ZFP90: variants seen among roughly 807,000 people sequenced by gnomAD.
ZFP90 encodes the protein zinc finger protein 90 homolog.
Under a neutral mutation model 60.8 loss-of-function variants are expected in ZFP90, and 38 were observed. The ratio of observed to expected loss-of-function variants is 0.62; its 90% CI spans 0.48 to 0.82. The LOEUF is 0.82. ZFP90 is among the 40% of genes least tolerant of loss of function. The probability of loss-of-function intolerance (pLI) is 0.00; values close to 1 mark genes in which losing one functional copy is unlikely to be tolerated. For missense variants in ZFP90, 711 were observed against 759.1 expected (o/e 0.94, Z 0.74); for synonymous variants, 287 against 264.8 (o/e 1.08, Z -0.82).
chr16:68,558,442 A>G, intron 3 of ZFP90, 31 bp from the exon 4 acceptor site: 1 of 1,603,824 alleles, frequency 6.2e-7, no homozygotes, highest in Non-Finnish European at 8.5e-7. Context: ...TTGCACAAAC[A>G]ACCAAATCTT....
At position 68,564,370 on chromosome 16, in the gene ZFP90, A is replaced by G. The variant is rs2152075233; in HGVS notation, c.1583A>G (p.Asn528Ser). 2.5e-6 allele frequency: 4 copies of G among 1,614,112 alleles called. No individual in the cohort carries two copies. Among genetic ancestry groups the G allele is most frequent in the South Asian group, 2.2e-5 (2 of 91,076 alleles). Residue 528 changes from asparagine (N) to serine (S), a missense_variant, in exon 5 of 5, where the codon AAT becomes AGT. Coordinates refer to ENST00000563169, the MANE Select transcript of ZFP90 (RefSeq NM_001305203.2). Reference protein sequence around the residue: ...IHTGEKPYECNECGEAFSRRS... With the variant: ...IHTGEKPYECSECGEAFSRRS... ...ACTGGAGAGAAACCCTATGAATGTAATGAGTGTGGAGAAGCCTTTAGTCGA... is the reference window on the plus strand; with the variant it reads ...ACTGGAGAGAAACCCTATGAATGTAGTGAGTGTGGAGAAGCCTTTAGTCGA...
At chr16:68,560,534 G>GGATT (rs142586378) in intron 4 of ZFP90, among the ~76,000 whole-genome samples, 20,095 of 128,672 alleles carry the variant, frequency 0.16, 4,105 homozygotes, top group African/African-American at 0.48. Context: ...GAACCACACT[G>GGATT]GATTTTATTT....
intron 2 of ZFP90, among the ~76,000 whole-genome samples, chr16:68,572,731 C>G (rs1232343837): frequency 6.6e-6 from 1 of 152,218 alleles, no homozygotes; most frequent in Non-Finnish European, 1.5e-5. Flanking sequence ...TCCAGCAAAA[C>G]CACAGGCCCA....
At chr16:68,567,600 G>A (rs1166775561), downstream of ZFP90, among the ~76,000 whole-genome samples, 1 of 152,176 alleles carries the variant, frequency 6.6e-6, no homozygotes, top group Admixed American at 6.5e-5. Context: ...TCTTACCAGA[G>A]ATGGGAAGTA....
chr16:68,567,029 G>A lies in ZFP90; in HGVS notation c.*2331G>A. 6 of 985,578 alleles carry A rather than the reference G, an allele frequency of 6.1e-6. No homozygotes were observed. Among genetic ancestry groups the A allele is most frequent in the Non-Finnish European group, 6.0e-6 (5 of 829,950 alleles). 61.1% of individuals were successfully genotyped at this position (985,578 alleles called of 1,614,324 possible). A position where few individuals can be genotyped will look rare whatever the true frequency, so the allele number is the denominator to read the frequency against. The stretch of plus-strand genomic sequence containing the variant: ...CCAGAAGGCTTTCTTAGTCCCAACA[G>A]CCATGAACCATGCACTTATGGATAC... On this transcript the variant is annotated 3_prime_UTR_variant, in exon 5 of 5. Transcript: ENST00000563169.
downstream of ZFP90, among the ~76,000 whole-genome samples, chr16:68,570,069 T>C (rs111984440): frequency 1.8e-4 from 26 of 145,948 alleles, no homozygotes; most frequent in South Asian, 6.6e-4. Flanking sequence ...TGTGTGTGTG[T>C]GCTATATCCC....
Position 68,566,793 on chromosome 16 carries a change from C to T in ZFP90, c.*2095C>T, listed in dbSNP as rs1292212999. 1.0e-6 allele frequency: 1 copy of T among 985,582 alleles called. No individual in the cohort carries two copies. The allele number at this position is 985,582 out of a possible 1,614,324, so 61.1% of individuals were successfully genotyped here. On this transcript the variant is annotated 3_prime_UTR_variant, in exon 5 of 5. Coordinates refer to ENST00000563169, the MANE Select transcript of ZFP90 (RefSeq NM_001305203.2). ...ATGCTACTGGTTGTTTGGGGATCCCCATAGTGGACTACTTTCAGGAATGGC... is the reference window on the plus strand; with the variant it reads ...ATGCTACTGGTTGTTTGGGGATCCCTATAGTGGACTACTTTCAGGAATGGC...
intron 2 of ZFP90, among the ~76,000 whole-genome samples, chr16:68,551,154 G>A (rs1002705999): frequency 6.6e-5 from 10 of 152,172 alleles, no homozygotes; most frequent in Non-Finnish European, 1.2e-4. Context: ...CTTTCTGGAA[G>A]TGCCCTTTCA....
At chr16:68,570,764 G>A (rs971336186), downstream of ZFP90, among the ~76,000 whole-genome samples, 3 of 152,096 alleles carry the variant, frequency 2.0e-5, no homozygotes, top group African/African-American at 4.8e-5. Context: ...TGATACATTA[G>A]TTGATCACTT....
At chr16:68,575,896 G>A (rs1370674075) in exon 3 of ZFP90, 1 of 398,316 alleles carries the variant, frequency 2.5e-6, no homozygotes, top group African/African-American at 2.1e-5. Context: ...GAATGGCTAA[G>A]TAAGGACCTC....
intron 4 of ZFP90, chr16:68,562,080 G>A (rs2091447557): frequency 6.6e-6 from 1 of 152,082 alleles, no homozygotes; most frequent in African/African-American, 2.4e-5. Flanking sequence ...TTCCAAGTAA[G>A]TTGCAGGCAT....
chr16:68,534,072 G>A (rs1356179003), intron 2 of ZFP90, among the ~76,000 whole-genome samples: 1 of 151,922 alleles, frequency 6.6e-6, no homozygotes, highest in Non-Finnish European at 1.5e-5. Context: ...AGATTAGATT[G>A]TTATAGCTCT....
At chr16:68,541,852 G>A (rs542742914) in intron 2 of ZFP90, among the ~76,000 whole-genome samples, 9 of 152,224 alleles carry the variant, frequency 5.9e-5, no homozygotes, top group African/African-American at 1.9e-4. Flanking sequence ...TGGTGAAAGT[G>A]GATTCATGTT....
At chr16:68,568,880 T>C (rs2091552721), downstream of ZFP90, among the ~76,000 whole-genome samples, 1 of 152,188 alleles carries the variant, frequency 6.6e-6, no homozygotes, top group African/African-American at 2.4e-5. Flanking sequence ...GTTTTCGCTA[T>C]GTTGGCCAGG....
chr16:68,549,258 C>T (rs1435872172), intron 2 of ZFP90, among the ~76,000 whole-genome samples: 1 of 152,160 alleles, frequency 6.6e-6, no homozygotes, highest in African/African-American at 2.4e-5. Context: ...GATAATGAAC[C>T]ACCTGAGGAG....
chr16:68,539,860 A>G (rs755494471), intron 2 of ZFP90, 35 bp downstream of exon 2: 2 of 1,598,270 alleles, frequency 1.3e-6, no homozygotes, highest in Non-Finnish European at 1.7e-6. Context: ...TGGGCATCCC[A>G]TCCATCTATC....
At chr16:68,559,785 G>C (rs541222511) in intron 4 of ZFP90, among the ~76,000 whole-genome samples, 42 of 152,158 alleles carry the variant, frequency 2.8e-4, no homozygotes, top group African/African-American at 1.0e-3. Context: ...TGTTGCCCAG[G>C]TGGTCTTGAA....
Position 68,563,824 on chromosome 16 carries a change from C to A in ZFP90, c.1037C>A (p.Ser346Tyr). Reference protein sequence around the residue: ...KPYRCNLCGRSFRHGTSLTQH... With the variant: ...KPYRCNLCGRYFRHGTSLTQH... ...TATCGATGTAATCTATGTGGGAGGTCCTTTAGGCATGGCACATCCCTCACT... is the reference window on the plus strand; with the variant it reads ...TATCGATGTAATCTATGTGGGAGGTACTTTAGGCATGGCACATCCCTCACT... The change falls in exon 5 of 5, where the codon TCC becomes TAC. Residue 346 changes from serine to tyrosine, a missense_variant. Coordinates refer to ENST00000563169, the MANE Select transcript of ZFP90 (RefSeq NM_001305203.2). The A allele has an allele frequency of 6.2e-7, 1 of 1,613,946 alleles. No individual in the cohort carries two copies. The highest frequency in any genetic ancestry group is 8.5e-7 in the Non-Finnish European group (1 of 1,179,986).
intron 2 of ZFP90, among the ~76,000 whole-genome samples, chr16:68,549,953 T>C (rs1390100350): frequency 6.6e-6 from 1 of 152,132 alleles, no homozygotes; most frequent in Non-Finnish European, 1.5e-5. Context: ...AAAGAGTCCA[T>C]GTGGCAGAAG....
Sources: allele counts gnomAD v4.1 joint callset (sites outside exome capture counted in the v4.1 genomes callset), GRCh38; gene constraint gnomAD v4.1.1; transcripts MANE v1.5; gene names NCBI Gene and HGNC (gene_info 2026-07-23, HGNC 2026-07-21).